The following EVL variants were observed in gnomAD, a reference collection of about 807,000 sequenced individuals.
The protein encoded by EVL is ena/VASP-like protein.
EVL carries 21 observed loss-of-function variants against 59.6 expected under a neutral mutation model. The observed-to-expected ratio is 0.35, with a 90% confidence interval of 0.25 to 0.51. The LOEUF is 0.51. Among genes scored for constraint, EVL ranks in the 20% least tolerant of loss-of-function variants. The probability of loss-of-function intolerance (pLI) is 0.97; values close to 1 mark genes in which losing one functional copy is unlikely to be tolerated. For synonymous variants in EVL, 198 were observed against 203.5 expected (o/e 0.97, Z 0.23); for missense variants, 462 against 546.6 (o/e 0.85, Z 1.54).
At chr14:100,013,440 A>G (rs1224295202) in intron 1 of EVL, among the ~76,000 whole-genome samples, 2 of 152,248 alleles carry the variant, frequency 1.3e-5, no homozygotes, top group East Asian at 3.9e-4. Context: ...TGTCTTCCCC[A>G]TTTTAGGATG....
chr14:100,016,927 G>T (rs1026380614), intron 1 of EVL, among the ~76,000 whole-genome samples: 1 of 152,136 alleles, frequency 6.6e-6, no homozygotes, highest in Non-Finnish European at 1.5e-5. Flanking sequence ...AGCCCAAAAG[G>T]GTCAGTGTCC....
chr14:100,138,504 GCCA>G (rs1566732359), intron 11 of EVL: 1 of 152,718 alleles, frequency 6.5e-6, no homozygotes, highest in Non-Finnish European at 1.5e-5. Context: ...TGTCTCCATC[GCCA>G]CCACAAATTG....
intron 1 of EVL, among the ~76,000 whole-genome samples, chr14:100,019,985 A>G (rs923812586): frequency 6.6e-6 from 1 of 152,158 alleles, no homozygotes; most frequent in Non-Finnish European, 1.5e-5. Context: ...AGTTGTGAAT[A>G]CAGAATAGCA....
intron 1 of EVL, among the ~76,000 whole-genome samples, chr14:100,057,411 C>G (rs901401827): frequency 1.3e-5 from 2 of 152,164 alleles, no homozygotes; most frequent in African/African-American, 2.4e-5. Context: ...TTTGGCCATT[C>G]ACACTTTCTT....
chr14:100,102,715 T>C (rs1050199746), intron 3 of EVL, among the ~76,000 whole-genome samples: 9 of 152,130 alleles, frequency 5.9e-5, no homozygotes, highest in African/African-American at 2.2e-4. Flanking sequence ...CCGTTCCTCT[T>C]CTCTCCTTAA....
At position 100,123,477 on chromosome 14, in the gene EVL, G is replaced by A. The variant is rs1030827233; in HGVS notation, c.359-62G>A. On this transcript the variant is annotated intron_variant, in intron 3 of 13. Coordinates refer to ENST00000392920, the MANE Select transcript of EVL (RefSeq NM_016337.3). Reference sequence around the variant, plus strand: ...GTGGGCAGAGATAGAGAGCACTCCAGTTGGGTTTGCTGGGGCCTTTCTTCC... The same window carrying A: ...GTGGGCAGAGATAGAGAGCACTCCAATTGGGTTTGCTGGGGCCTTTCTTCC... 5.8e-6 allele frequency: 9 copies of A among 1,559,884 alleles called. No homozygotes were observed. The African/African-American group carries it at 1.2e-4, about 21-fold the overall frequency.
rs548235097 is a variant in EVL at position 100,107,135 on chromosome 14, A to G, written c.358+9477A>G. On this transcript the variant is annotated intron_variant, in intron 3 of 13. Transcript: ENST00000392920. ...TATGTGGCCTTCAGGGCCGTGCCCC[A>G]TGCTGCTCCTCTTTTTGTCCCCACA... The G allele has an allele frequency of 9.3e-4, 370 of 398,766 alleles. 1 individual carries two copies. Among genetic ancestry groups the G allele is most frequent in the Middle Eastern group, 8.8e-3 (14 of 1,588 alleles). The allele number at this position is 398,766 out of a possible 1,614,324, so 24.7% of individuals were successfully genotyped here. A position where few individuals can be genotyped will look rare whatever the true frequency, so the allele number is the denominator to read the frequency against.
chr14:100,050,857 C>T (rs939830053), intron 1 of EVL, among the ~76,000 whole-genome samples: 88 of 151,040 alleles, frequency 5.8e-4, no homozygotes, highest in Non-Finnish European at 7.4e-5. Flanking sequence ...GTCCTCCCGC[C>T]TCAGCCTCCT....
intron 1 of EVL, among the ~76,000 whole-genome samples, chr14:100,079,179 C>G (rs2062235047): frequency 6.6e-6 from 1 of 152,230 alleles, no homozygotes; most frequent in Admixed American, 6.5e-5. Context: ...AGGAGCCCAC[C>G]CGCAGAGCTG....
Position 100,132,757 on chromosome 14 carries a change from A to C in EVL, c.878A>C (p.Lys293Thr). ...TCCCAGTCAGACAAGCCAGCCGAGAAGAAGGAAGATGAAAGCCAAATGGTG... is the reference window on the plus strand; with the variant it reads ...TCCCAGTCAGACAAGCCAGCCGAGACGAAGGAAGATGAAAGCCAAATGGTG... ...AASQSDKPAE[K>T]KEDESQMEDP... The change falls in exon 8 of 14, where the codon AAG becomes ACG. Residue 293 changes from lysine (K) to threonine (T), a missense_variant. Lys to Thr is a moderately conservative substitution (Grantham distance 78). Transcript: ENST00000392920. The C allele has an allele frequency of 6.2e-7, 1 of 1,614,162 alleles. No individual in the cohort carries two copies. The highest frequency in any genetic ancestry group is 8.5e-7 in the Non-Finnish European group (1 of 1,180,030).
chr14:99,989,882 C>T (rs561175752), intron 1 of EVL, among the ~76,000 whole-genome samples: 2 of 152,158 alleles, frequency 1.3e-5, no homozygotes, highest in Non-Finnish European at 2.9e-5. Flanking sequence ...TAAGTCAGTC[C>T]GTGGATTATG....
rs1249459174 is a variant in EVL, at chr14:100,108,024, G to T, written c.358+10366G>T. On this transcript the variant is annotated intron_variant, in intron 3 of 13. Transcript: ENST00000392920. The surrounding 1 kb of genome is among the most constrained non-coding windows in gnomAD (Gnocchi z 4.1). ...ATAATGTATGTCCTTTTCCTACTTG[G>T]TTTGCGTGTAATAACATCATTGGTA... 1 of 152,192 alleles carries T rather than the reference G, an allele frequency of 6.6e-6. No homozygotes were observed. Among genetic ancestry groups the T allele is most frequent in the Admixed American group, 6.5e-5 (1 of 15,282 alleles). 9.4% of individuals were successfully genotyped at this position (152,192 alleles called of 1,614,324 possible).
At chr14:100,083,535 T>G (rs1407019903) in intron 1 of EVL, among the ~76,000 whole-genome samples, 1 of 152,210 alleles carries the variant, frequency 6.6e-6, no homozygotes, top group African/African-American at 2.4e-5. Flanking sequence ...ATTAGGTTTA[T>G]GAAGAGCCAG....
chr14:100,132,668 A>T (rs372040507), intron 7 of EVL, 51 bp from the exon 8 acceptor site: 18 of 1,592,062 alleles, frequency 1.1e-5, no homozygotes, highest in Non-Finnish European at 1.3e-5. Flanking sequence ...GTTCTGGGAC[A>T]GTGAGAGAAC....
intron 1 of EVL, among the ~76,000 whole-genome samples, chr14:99,992,827 C>T (rs1310779770): frequency 6.6e-6 from 1 of 152,114 alleles, no homozygotes; most frequent in Admixed American, 6.6e-5. Context: ...TAACTGTGAG[C>T]TTTTCCTATC....
chr14:100,141,355 C>A, intron 12 of EVL, 109 bp downstream of exon 12: 1 of 1,220,244 alleles, frequency 8.2e-7, no homozygotes, highest in Non-Finnish European at 1.2e-6. Context: ...CATGTAGCTG[C>A]CAAAAGGCCA....
chr14:100,087,422 T>C (rs2062469265), intron 2 of EVL, among the ~76,000 whole-genome samples: 2 of 152,200 alleles, frequency 1.3e-5, no homozygotes, highest in African/African-American at 4.8e-5. Context: ...CAGACCAGCC[T>C]GGGCAACATA....
intron 3 of EVL, chr14:100,102,226 T>A: frequency 2.2e-6 from 1 of 455,802 alleles, no homozygotes; most frequent in Admixed American, 2.3e-5. Context: ...TCAGTACCTT[T>A]GACAAGTGCA....
chr14:99,994,572 TTA>T (rs1257340123), intron 1 of EVL, among the ~76,000 whole-genome samples: 2 of 152,192 alleles, frequency 1.3e-5, no homozygotes, highest in Non-Finnish European at 2.9e-5. Context: ...GTCCACCCCG[TTA>T]TGTTATTGAT....
Sources: allele counts gnomAD v4.1 joint callset (sites outside exome capture counted in the v4.1 genomes callset), GRCh38; gene constraint gnomAD v4.1.1; non-coding constraint Gnocchi (gnomAD v3.1); transcripts MANE v1.5; gene names NCBI Gene and HGNC (gene_info 2026-07-23, HGNC 2026-07-21).